The following TSPAN11 variants were observed in gnomAD, a reference collection of about 807,000 sequenced individuals.
TSPAN11 encodes the protein tetraspanin-11.
In TSPAN11, 29 loss-of-function variants were observed where a neutral mutation model predicts 32.9. The ratio of observed to expected loss-of-function variants is 0.88; its 90% CI spans 0.66 to 1.20. The LOEUF (loss-of-function observed/expected upper bound fraction) is 1.20. Among genes scored for constraint, TSPAN11 ranks in the 50% most tolerant of loss-of-function variants. TSPAN11 has a pLI of 0.00. For missense variants in TSPAN11, 283 were observed against 329.1 expected, an observed-to-expected ratio of 0.86 and a Z score of 1.08; for synonymous variants, 140 against 141.3, an observed-to-expected ratio of 0.99 and a Z score of 0.07.
At chr12:31,009,595 C>T in the TSPAN11 span, among the ~76,000 whole-genome samples, 1 of 152,136 alleles carries the variant, frequency 6.6e-6, no homozygotes, top group South Asian at 2.1e-4. Context: ...GCCACCCCAC[C>T]TTGGTGCGAT....
chr12:30,985,883 C>T (rs914974455), intron 7 of TSPAN11, among the ~76,000 whole-genome samples: 2 of 152,276 alleles, frequency 1.3e-5, no homozygotes, highest in African/African-American at 2.4e-5. Flanking sequence ...AAAACCCCCA[C>T]CATGCAGTCT....
At chr12:30,944,918 A>C (rs1190032555) in intron 1 of TSPAN11, among the ~76,000 whole-genome samples, 1 of 152,222 alleles carries the variant, frequency 6.6e-6, no homozygotes, top group African/African-American at 2.4e-5. Context: ...TTTTGCTAAA[A>C]AGCTGATAGG....
At chr12:30,953,511 C>T (rs983810150) in intron 1 of TSPAN11, among the ~76,000 whole-genome samples, 28 of 152,198 alleles carry the variant, frequency 1.8e-4, no homozygotes, top group African/African-American at 6.5e-4. Flanking sequence ...ATCACTGGGG[C>T]CCTTTCCAAC....
At chr12:30,944,827 G>T (rs1274396412) in intron 1 of TSPAN11, among the ~76,000 whole-genome samples, 1 of 152,154 alleles carries the variant, frequency 6.6e-6, no homozygotes, top group Non-Finnish European at 1.5e-5. Flanking sequence ...TGAGTATGGG[G>T]TGCTCCCTGA....
In TSPAN11 at chr12:30,993,125, G is replaced by A. The variant is rs35073; in HGVS notation, c.*1210G>A. ...AACACCCATAGGGACCCCCCCAAAT[G>A]GCTATTACAAAGGGGCAGCCCATTC... On this transcript the variant is annotated 3_prime_UTR_variant, in exon 8 of 8. Transcript: ENST00000546076. 0.3 allele frequency: 46,124 copies of A among 151,992 alleles called. 8,034 individuals are homozygous for A. The highest frequency in any genetic ancestry group is 0.8 in the East Asian group (4,131 of 5,142). The allele number at this position is 151,992 out of a possible 1,614,324, so 9.4% of individuals were successfully genotyped here. A position where few individuals can be genotyped will look rare whatever the true frequency, so the allele number is the denominator to read the frequency against.
chr12:30,982,057 G>A (rs1187917484), intron 5 of TSPAN11, among the ~76,000 whole-genome samples: 1 of 152,326 alleles, frequency 6.6e-6, no homozygotes, highest in Non-Finnish European at 1.5e-5. Context: ...CCATGGGCGG[G>A]TCTGGGGCTC....
rs745472434 is a variant in TSPAN11 at position 30,968,490 on chromosome 12, C to T, written c.276+4473C>T. Among the ~76,000 whole-genome samples, 4 of 152,302 alleles carry T rather than the reference C, an allele frequency of 2.6e-5. No individual in the cohort carries two copies. The South Asian group carries it at 8.3e-4, about 32-fold the overall frequency. ...GCATTGGAAATCTGCCAGGCAGGAA[C>T]AGGAATGGGGCTTAAATTATTCACA... On this transcript the variant is annotated intron_variant, in intron 3 of 7. Coordinates refer to ENST00000546076, the MANE Select transcript of TSPAN11 (RefSeq NM_001370302.1).
At chr12:30,936,039 T>G (rs1489932352) in intron 1 of TSPAN11, among the ~76,000 whole-genome samples, 3 of 152,238 alleles carry the variant, frequency 2.0e-5, no homozygotes, top group Non-Finnish European at 4.4e-5. Context: ...GCTGAACCAT[T>G]TGGGTTTCTT....
intron 2 of TSPAN11, among the ~76,000 whole-genome samples, chr12:30,963,507 A>G (rs1360764163): frequency 7.9e-5 from 12 of 152,156 alleles, no homozygotes. Flanking sequence ...GGACTCAGAT[A>G]CGTTGATCAT....
intron 1 of TSPAN11, among the ~76,000 whole-genome samples, chr12:30,929,107 C>G (rs771133608): frequency 6.6e-6 from 1 of 152,198 alleles, no homozygotes; most frequent in Non-Finnish European, 1.5e-5. Context: ...ACCAGCAGCT[C>G]GGGGTCAATC....
downstream of TSPAN11, among the ~76,000 whole-genome samples, chr12:30,998,701 G>A (rs142462484): frequency 5.9e-5 from 9 of 152,178 alleles, no homozygotes; most frequent in East Asian, 1.9e-4. Context: ...ACATAACAAC[G>A]TCACTGCAGT....
chr12:30,937,435 G>C (rs1938069343), intron 1 of TSPAN11, among the ~76,000 whole-genome samples: 1 of 152,050 alleles, frequency 6.6e-6, no homozygotes, highest in African/African-American at 2.4e-5. Context: ...ACTTTTGGGG[G>C]GGCGGCAGGG....
chr12:30,992,055 G>A lies in TSPAN11; in HGVS notation c.*140G>A, dbSNP rs1056455148. ...TGTGCCTAGCTCCTGCGAATCCACC[G>A]AGTGCCTGAGACCATAGCTTCTGTG... On this transcript the variant is annotated 3_prime_UTR_variant, in exon 8 of 8. Coordinates refer to ENST00000546076, the MANE Select transcript of TSPAN11 (RefSeq NM_001370302.1). 2.9e-5 allele frequency: 26 copies of A among 886,354 alleles called. No homozygotes were observed. The highest frequency in any genetic ancestry group is 2.2e-4 in the Admixed American group (10 of 45,526). The allele number at this position is 886,354 out of a possible 1,614,324, so 54.9% of individuals were successfully genotyped here. A position where few individuals can be genotyped will look rare whatever the true frequency, so the allele number is the denominator to read the frequency against.
chr12:30,949,802 C>T (rs1938345804), intron 1 of TSPAN11, among the ~76,000 whole-genome samples: 1 of 152,166 alleles, frequency 6.6e-6, no homozygotes, highest in African/African-American at 2.4e-5. Context: ...CTGTCCTCCA[C>T]AGATGAAAGT....
At chr12:30,973,127 A>C (rs903450028) in intron 3 of TSPAN11, among the ~76,000 whole-genome samples, 1 of 152,196 alleles carries the variant, frequency 6.6e-6, no homozygotes, top group African/African-American at 2.4e-5. Flanking sequence ...ACCATGCAGC[A>C]GGTCAGAGCA....
At chr12:30,941,938 T>C (rs145878798) in intron 1 of TSPAN11, among the ~76,000 whole-genome samples, 393 of 152,372 alleles carry the variant, frequency 2.6e-3, no homozygotes, top group African/African-American at 9.1e-3. Flanking sequence ...TAAATGACTT[T>C]CCTGTCTGAG....
chr12:31,014,717 AC>A, the TSPAN11 span, among the ~76,000 whole-genome samples: 2 of 152,226 alleles, frequency 1.3e-5, no homozygotes, highest in African/African-American at 4.8e-5. Flanking sequence ...TCTGACAGTA[AC>A]CAGCCCCTCC....
intron 1 of TSPAN11, among the ~76,000 whole-genome samples, chr12:30,948,488 G>C (rs1311519389): frequency 6.6e-6 from 1 of 152,182 alleles, no homozygotes. Flanking sequence ...TGACTTCTGT[G>C]CACCCACAGG....
chr12:30,939,762 A>G (rs192882322), intron 1 of TSPAN11, among the ~76,000 whole-genome samples: 47 of 152,200 alleles, frequency 3.1e-4, no homozygotes, highest in African/African-American at 1.1e-3. Flanking sequence ...ATTCATTTTC[A>G]ATCCCTGTCA....
Sources: allele counts gnomAD v4.1 joint callset (sites outside exome capture counted in the v4.1 genomes callset), GRCh38; gene constraint gnomAD v4.1.1; transcripts MANE v1.5; gene names NCBI Gene and HGNC (gene_info 2026-07-23, HGNC 2026-07-21).